The following GRIK2 variants were observed in gnomAD, a reference collection of about 807,000 sequenced individuals.
GRIK2 encodes glutamate ionotropic receptor kainate type subunit 2.
In GRIK2, 32 loss-of-function variants were observed where a neutral mutation model predicts 100.3. The observed-to-expected ratio is 0.32, with a 90% CI of 0.24 to 0.43. The LOEUF is 0.43. Ranked by LOEUF, GRIK2 falls within the 20% of genes least tolerant of loss-of-function variation. The probability of loss-of-function intolerance (pLI) is 1.00; values close to 1 mark genes in which losing one functional copy is unlikely to be tolerated. For synonymous variants in GRIK2, 417 were observed against 389.4 expected (o/e 1.07, Z -0.83); for missense variants, 843 against 1,114.9 (o/e 0.76, Z 3.47).
chr6:101,480,889 T>C (rs1195578074), intron 2 of GRIK2, among the ~76,000 whole-genome samples: 1 of 152,094 alleles, frequency 6.6e-6, no homozygotes, highest in East Asian at 1.9e-4. Flanking sequence ...TGTTGAGAAA[T>C]TGAAAGCAGT....
At position 102,062,960 on chromosome 6, in the gene GRIK2, TTTTGA is replaced by T. The variant is rs1442314256; in HGVS notation, c.2563-5382_2563-5378del. 2.0e-5 allele frequency among the ~76,000 whole-genome samples: 3 copies of T among 150,772 alleles called. No individual in the cohort carries two copies. In the East Asian group the frequency reaches 5.8e-4, roughly 29 times the overall value. ...TTTCTGCAACTAATCACAGTGACTG[TTTTGA>T]TTTGTTTCCACTACATGTGACTTAC... On this transcript the variant is annotated intron_variant, in intron 16 of 16. Coordinates refer to ENST00000369134, the MANE Select transcript of GRIK2 (RefSeq NM_021956.5).
At position 101,824,013 on chromosome 6, in the gene GRIK2, A is replaced by T. The variant is rs139038604; in HGVS notation, c.1317+5530A>T. ...CTCCTGAGTAGCTGGGATTACAAGC[A>T]CTGCCACCATGCCTGGCTAATTTTT... On this transcript the variant is annotated intron_variant, in intron 10 of 16. Coordinates refer to ENST00000369134, the MANE Select transcript of GRIK2 (RefSeq NM_021956.5). 4.1e-3 allele frequency among the ~76,000 whole-genome samples: 628 copies of T among 151,708 alleles called. 18 individuals carry two copies. The highest frequency in any genetic ancestry group is 0.032 in the Admixed American group (481 of 15,214).
chr6:101,563,360 T>C (rs139750888), intron 2 of GRIK2, among the ~76,000 whole-genome samples: 1 of 152,328 alleles, frequency 6.6e-6, no homozygotes, highest in Non-Finnish European at 1.5e-5. Context: ...GTTTTAATCA[T>C]AAATGAAAGG....
chr6:101,860,644 G>A (rs562169800), intron 11 of GRIK2, among the ~76,000 whole-genome samples: 27 of 152,278 alleles, frequency 1.8e-4, no homozygotes, highest in Admixed American at 1.4e-3. Flanking sequence ...CAGCATCAAG[G>A]TTGGTTGATA....
intron 7 of GRIK2, among the ~76,000 whole-genome samples, chr6:101,693,421 T>TA (rs1256424113): frequency 1.3e-5 from 2 of 151,462 alleles, no homozygotes; most frequent in Non-Finnish European, 2.9e-5. Context: ...ATTTTATATT[T>TA]AAAAATGTAG....
intron 2 of GRIK2, among the ~76,000 whole-genome samples, chr6:101,512,031 C>G (rs1177535663): frequency 6.8e-6 from 1 of 146,152 alleles, no homozygotes; most frequent in African/African-American, 2.6e-5. Context: ...TCACTGAATA[C>G]CTCTATTTGT....
chr6:101,954,440 A>C (rs1791788436), intron 14 of GRIK2, among the ~76,000 whole-genome samples: 2 of 152,160 alleles, frequency 1.3e-5, no homozygotes, highest in South Asian at 4.1e-4. Context: ...TAAAGAATAG[A>C]TCCCTCTGTA....
In GRIK2 at chr6:102,055,389, C is replaced by A. The variant is rs756286867; in HGVS notation, c.2371C>A (p.Leu791Met). The change falls in exon 16 of 17, where the codon CTG (leucine) becomes ATG (methionine). Residue 791 changes from leucine to methionine, a missense_variant. Transcript: ENST00000369134. ...AILQLQEEGKLHMMKEKWWRG... is the reference protein window; with the variant it reads ...AILQLQEEGKMHMMKEKWWRG... Reference sequence around the variant, plus strand: ...TCTTCAGCTGCAAGAGGAAGGCAAACTGCATATGATGAAGGAGAAATGGTG... The same window carrying A: ...TCTTCAGCTGCAAGAGGAAGGCAAAATGCATATGATGAAGGAGAAATGGTG... 1.9e-5 allele frequency: 31 copies of A among 1,612,184 alleles called. No individual in the cohort carries two copies. The highest frequency in any genetic ancestry group is 2.6e-5 in the Non-Finnish European group (31 of 1,178,360).
chr6:101,964,461 G>T (rs1016163435), intron 14 of GRIK2, among the ~76,000 whole-genome samples: 1 of 152,160 alleles, frequency 6.6e-6, no homozygotes. Flanking sequence ...ATTGGGAAAT[G>T]AAGGAGAACT....
intron 14 of GRIK2, among the ~76,000 whole-genome samples, chr6:101,996,882 G>T (rs78112655): frequency 6.6e-6 from 1 of 152,012 alleles, no homozygotes; most frequent in Non-Finnish European, 1.5e-5. Context: ...AGAATTTCTC[G>T]ATTTTTCAGA....
At chr6:101,953,087 G>GT in intron 14 of GRIK2, among the ~76,000 whole-genome samples, 1 of 152,236 alleles carries the variant, frequency 6.6e-6, no homozygotes, top group East Asian at 1.9e-4. Context: ...CTGTGTTTCA[G>GT]TGTGTATCAA....
chr6:101,481,195 G>C (rs1383293587), intron 2 of GRIK2, among the ~76,000 whole-genome samples: 1 of 152,138 alleles, frequency 6.6e-6, no homozygotes, highest in Non-Finnish European at 1.5e-5. Flanking sequence ...GTTGGGATTA[G>C]AAGCTAATAG....
intron 14 of GRIK2, among the ~76,000 whole-genome samples, chr6:102,009,808 ATAT>A (rs1384281789): frequency 6.6e-6 from 1 of 152,132 alleles, no homozygotes; most frequent in African/African-American, 2.4e-5. Context: ...GTAGAAAATC[ATAT>A]TATTGTGTGT....
At chr6:101,586,855 A>C (rs1270179740) in intron 2 of GRIK2, among the ~76,000 whole-genome samples, 1 of 147,688 alleles carries the variant, frequency 6.8e-6, no homozygotes, top group East Asian at 2.0e-4. Flanking sequence ...CTGCTACTGC[A>C]CTATAGTCTG....
chr6:101,679,445 T>A (rs1771081887), intron 5 of GRIK2, among the ~76,000 whole-genome samples: 1 of 152,162 alleles, frequency 6.6e-6, no homozygotes, highest in Non-Finnish European at 1.5e-5. Context: ...GTATTTCTTT[T>A]AGGAGAGATG....
At chr6:101,661,418 G>A (rs1237880918) in intron 4 of GRIK2, among the ~76,000 whole-genome samples, 3 of 152,046 alleles carry the variant, frequency 2.0e-5, no homozygotes, top group Non-Finnish European at 4.4e-5. Context: ...GGCTCGGTGG[G>A]GGTGAGATAC....
intron 2 of GRIK2, among the ~76,000 whole-genome samples, chr6:101,574,591 T>A (rs572247586): frequency 6.6e-6 from 1 of 151,566 alleles, no homozygotes; most frequent in Non-Finnish European, 1.5e-5. Flanking sequence ...CTTTAAGTTA[T>A]TAATAATTCT....
chr6:101,886,151 T>A (rs746818708), intron 11 of GRIK2, among the ~76,000 whole-genome samples: 31 of 152,164 alleles, frequency 2.0e-4, no homozygotes, highest in Non-Finnish European at 3.8e-4. Flanking sequence ...TGTCATATAA[T>A]TGGAATCATA....
intron 2 of GRIK2, among the ~76,000 whole-genome samples, chr6:101,516,714 A>G (rs899051431): frequency 1.3e-5 from 2 of 152,154 alleles, no homozygotes; most frequent in Non-Finnish European, 2.9e-5. Flanking sequence ...ATTTATATGC[A>G]TGTAGCTATA....
Sources: allele counts gnomAD v4.1 joint callset (sites outside exome capture counted in the v4.1 genomes callset), GRCh38; gene constraint gnomAD v4.1.1; transcripts MANE v1.5; gene names NCBI Gene and HGNC (gene_info 2026-07-23, HGNC 2026-07-21).